PCDHA1: variants seen among roughly 807,000 people sequenced by gnomAD.
The protein encoded by PCDHA1 is protocadherin alpha 1, also known as protocadherin alpha-1.
Under a neutral mutation model 61.3 loss-of-function variants are expected in PCDHA1, and 42 were observed. The ratio of observed to expected loss-of-function variants is 0.69; its 90% CI spans 0.54 to 0.89. The LOEUF (loss-of-function observed/expected upper bound fraction) is 0.89. PCDHA1 is among the 40% of genes least tolerant of loss of function. The pLI is 0.00. For synonymous variants in PCDHA1, 610 were observed against 553.8 expected (o/e 1.10, Z -1.43); for missense variants, 1,256 against 1,235.3 (o/e 1.02, Z -0.25).
intron 3 of PCDHA1, among the ~76,000 whole-genome samples, chr5:140,998,912 C>T (rs1256504660): frequency 6.6e-6 from 1 of 152,182 alleles, no homozygotes; most frequent in Admixed American, 6.6e-5. Context: ...CGGGAGGTAG[C>T]TATTATATCC....
At chr5:140,929,972 G>A (rs2086500191) in intron 1 of PCDHA1, 1 of 152,084 alleles carries the variant, frequency 6.6e-6, no homozygotes, top group South Asian at 2.1e-4. Flanking sequence ...TTTTGGTGAA[G>A]GTGTCTTCTT....
At chr5:140,968,463 A>G (rs1012242019) in intron 1 of PCDHA1, 6 of 1,613,994 alleles carry the variant, frequency 3.7e-6, no homozygotes, top group Middle Eastern at 1.6e-4. Context: ...GTGACTGCCA[A>G]CGTATATGTG....
In PCDHA1 at chr5:141,009,947, A is replaced by G; in HGVS notation, c.*10A>G. On this transcript the variant is annotated 3_prime_UTR_variant, in exon 4 of 4. Coordinates refer to ENST00000504120, the MANE Select transcript of PCDHA1 (RefSeq NM_018900.4). ...CAACAGTGACCAGTGAGGTCCTCAAATGGAAACAAGCCACTTAGCCAGTTT... is the reference window on the plus strand; with the variant it reads ...CAACAGTGACCAGTGAGGTCCTCAAGTGGAAACAAGCCACTTAGCCAGTTT... The G allele has an allele frequency of 1.9e-6, 3 of 1,596,272 alleles. No individual in the cohort carries two copies. The South Asian group carries it at 3.4e-5, about 18-fold the overall frequency.
At chr5:140,930,527 A>G (rs73793525) in intron 1 of PCDHA1, 1 of 152,462 alleles carries the variant, frequency 6.6e-6, no homozygotes, top group Non-Finnish European at 1.5e-5. Context: ...CTGGCCCTCA[A>G]ACTTCTTGAG....
chr5:140,797,581 G>A (rs1399116401), intron 1 of PCDHA1: 9 of 622,036 alleles, frequency 1.4e-5, no homozygotes, highest in African/African-American at 1.1e-4. Flanking sequence ...CCATCATTAA[G>A]TCATAAGTAA....
At chr5:140,830,170 G>C in intron 1 of PCDHA1, 1 of 1,613,606 alleles carries the variant, frequency 6.2e-7, no homozygotes, top group Non-Finnish European at 8.5e-7. Flanking sequence ...AGGCGGCGCT[G>C]GTGGATGTCA....
At chr5:140,882,611 C>T in intron 1 of PCDHA1, 1 of 1,614,252 alleles carries the variant, frequency 6.2e-7, no homozygotes, top group Non-Finnish European at 8.5e-7. Context: ...CAGGCCTCTG[C>T]AGGTTTTCCA....
chr5:140,821,208 T>C (rs2150108977), intron 1 of PCDHA1, among the ~76,000 whole-genome samples: 7 of 152,160 alleles, frequency 4.6e-5, no homozygotes, highest in Non-Finnish European at 8.8e-5. Flanking sequence ...AAGTTTTAAT[T>C]AGATATGTTT....
At position 140,848,714 on chromosome 5, in the gene PCDHA1, C is replaced by A. The variant is rs2150418580; in HGVS notation, c.2394+60030C>A. On this transcript the variant is annotated intron_variant, in intron 1 of 3. Transcript: ENST00000504120. ...AGTTGGATTCCAAAGGCCGCGGGGA[C>A]CTTCTGGAGGTAAATCTGCAGAATG... 5.0e-6 allele frequency: 8 copies of A among 1,592,122 alleles called. 1 individual carries two copies. Among genetic ancestry groups the A allele is most frequent in the Non-Finnish European group, 6.0e-6 (7 of 1,163,208 alleles).
chr5:140,854,159 CA>C (rs59855104), intron 1 of PCDHA1: 9,606 of 340,020 alleles, frequency 0.028, 6 homozygotes, highest in Non-Finnish European at 0.032. Context: ...GATTCTGTCT[CA>C]AAAAAAAAAA....
chr5:140,941,961 T>A (rs150142414), intron 1 of PCDHA1, among the ~76,000 whole-genome samples: 2 of 152,214 alleles, frequency 1.3e-5, no homozygotes, highest in African/African-American at 4.8e-5. Flanking sequence ...AACAATAGTA[T>A]CTTTACTTTC....
At chr5:140,880,349 TGAATTTA>T in intron 1 of PCDHA1, among the ~76,000 whole-genome samples, 1 of 152,224 alleles carries the variant, frequency 6.6e-6, no homozygotes, top group East Asian at 1.9e-4. Flanking sequence ...AGGCAGCAGG[TGAATTTA>T]GATGAAAACC....
rs1418843235 is a variant in PCDHA1 at position 140,810,477 on chromosome 5, CA to C, written c.2394+21794del. 1.8e-4 allele frequency: 27 copies of C among 152,324 alleles called. No individual in the cohort carries two copies. In the East Asian group the frequency reaches 4.6e-3, roughly 26 times the overall value. 9.4% of individuals were successfully genotyped at this position (152,324 alleles called of 1,614,324 possible). A position where few individuals can be genotyped will look rare whatever the true frequency, so the allele number is the denominator to read the frequency against. On this transcript the variant is annotated intron_variant, in intron 1 of 3. Coordinates refer to ENST00000504120, the MANE Select transcript of PCDHA1 (RefSeq NM_018900.4). ...GTGCATAAGGCTTTCTGCTGGGCCA[CA>C]TCATCTCTACATTTGTCAGGTTATT...
intron 3 of PCDHA1, 29 bp from the exon 4 acceptor site, chr5:141,009,598 T>C: frequency 6.2e-7 from 1 of 1,606,306 alleles, no homozygotes; most frequent in Non-Finnish European, 8.5e-7. Flanking sequence ...GTTGACCCTG[T>C]TAATGATTTG....
intron 1 of PCDHA1, among the ~76,000 whole-genome samples, chr5:140,905,301 C>T (rs1476283859): frequency 6.6e-6 from 1 of 152,182 alleles, no homozygotes; most frequent in Admixed American, 6.5e-5. Context: ...GGTGTCCTTT[C>T]CACACTTTGT....
intron 1 of PCDHA1, among the ~76,000 whole-genome samples, chr5:140,960,361 T>C (rs1262686301): frequency 2.6e-5 from 4 of 152,194 alleles, no homozygotes; most frequent in Non-Finnish European, 4.4e-5. Context: ...TGAAATAATA[T>C]GCCAACTCTT....
intron 1 of PCDHA1, chr5:140,871,407 C>G: frequency 6.2e-7 from 1 of 1,614,070 alleles, no homozygotes; most frequent in Non-Finnish European, 8.5e-7. Context: ...AGACGGACCT[C>G]ATGGCCTTCA....
chr5:140,826,828 A>T lies in PCDHA1; in HGVS notation c.2394+38144A>T, dbSNP rs190779295. Among the ~76,000 whole-genome samples the T allele has an allele frequency of 4.9e-4, 75 of 152,292 alleles. No individual in the cohort carries two copies. In the South Asian group the frequency reaches 0.012, roughly 25 times the overall value. The stretch of plus-strand genomic sequence containing the variant: ...ACATGTGATTACATATTAGGTTACT[A>T]GAAGTTTCTCAAGTGTCTTGCAATT... On this transcript the variant is annotated intron_variant, in intron 1 of 3. Coordinates refer to ENST00000504120, the MANE Select transcript of PCDHA1 (RefSeq NM_018900.4).
intron 1 of PCDHA1, chr5:140,827,834 A>G: frequency 2.3e-6 from 1 of 435,400 alleles, no homozygotes; most frequent in Non-Finnish European, 4.0e-6. Flanking sequence ...AAGTAGAGAA[A>G]AGAAGATACT....
Sources: gnomAD v4.1 joint callset for allele counts (sites outside exome capture counted in the v4.1 genomes callset) on GRCh38, gnomAD v4.1.1 for gene constraint, MANE v1.5 for transcripts, NCBI Gene and HGNC (gene_info 2026-07-23, HGNC 2026-07-21) for gene names.